The following TMPRSS15 variants were observed in gnomAD, a reference collection of about 807,000 sequenced individuals.
TMPRSS15 encodes the protein transmembrane serine protease 15.
A neutral mutation model predicts 125.3 loss-of-function variants in TMPRSS15; 128 were observed. The ratio of observed to expected loss-of-function variants is 1.02; its 90% CI spans 0.89 to 1.18. TMPRSS15 has a LOEUF of 1.18. TMPRSS15 is among the 50% of genes most tolerant of loss of function. The pLI is 0.00. For synonymous variants in TMPRSS15, 446 were observed against 423.2 expected (o/e 1.05, Z -0.66); for missense variants, 1,283 against 1,212.7 (o/e 1.06, Z -0.86).
intron 15 of TMPRSS15, among the ~76,000 whole-genome samples, chr21:18,328,804 T>A (rs2075317066): frequency 6.6e-6 from 1 of 152,016 alleles, no homozygotes; most frequent in Admixed American, 6.6e-5. Context: ...ACAGGAAAAA[T>A]GCTTGAGGTG....
At chr21:18,483,751 G>A (rs1979028684) in intron 1 of TMPRSS15, among the ~76,000 whole-genome samples, 1 of 151,678 alleles carries the variant, frequency 6.6e-6, no homozygotes, top group Admixed American at 6.6e-5. Flanking sequence ...ATATTTTTAA[G>A]GTATAGCATT....
rs1026583987 is a variant in TMPRSS15 at position 18,446,378 on chromosome 21, C to A, written c.10+39421G>T. The stretch of plus-strand genomic sequence containing the variant: ...ATTCTGTAAAAATAACAATACTACT[C>A]AAAGCAATACACAGATTCAATGCAA... On this transcript the variant is annotated intron_variant, in intron 1 of 7. Transcript: ENST00000422787. Among the ~76,000 whole-genome samples, 15 of 152,002 alleles carry A rather than the reference C, an allele frequency of 9.9e-5. No homozygotes were observed. The East Asian group carries it at 2.9e-3, about 29-fold the overall frequency.
chr21:18,450,725 T>C (rs1191270805), intron 1 of TMPRSS15, among the ~76,000 whole-genome samples: 1 of 152,198 alleles, frequency 6.6e-6, no homozygotes, highest in Non-Finnish European at 1.5e-5. Flanking sequence ...TCAGTATTCT[T>C]CTGGAATGCC....
chr21:18,326,682 G>T, intron 15 of TMPRSS15, 110 bp from the exon 16 acceptor site: 1 of 1,288,432 alleles, frequency 7.8e-7, no homozygotes, highest in Non-Finnish European at 1.1e-6. Flanking sequence ...ATGTTACATG[G>T]CTCGCTCATA....
chr21:18,356,785 TA>T (rs1241757923), intron 8 of TMPRSS15, among the ~76,000 whole-genome samples: 2 of 151,924 alleles, frequency 1.3e-5, no homozygotes, highest in East Asian at 3.9e-4. Flanking sequence ...TTTAATTCCA[TA>T]ATGCAGTGTG....
chr21:18,294,977 C>T (rs2074885160), intron 19 of TMPRSS15, among the ~76,000 whole-genome samples: 1 of 152,262 alleles, frequency 6.6e-6, no homozygotes, highest in Middle Eastern at 3.4e-3. Context: ...TGCAATAAAA[C>T]TATTACAGGG....
In TMPRSS15 at chr21:18,390,863, G is replaced by T. The variant is rs368541702; in HGVS notation, c.344+7016C>A. Among the ~76,000 whole-genome samples the T allele has an allele frequency of 1.3e-3, 199 of 152,314 alleles. 2 individuals are homozygous for T. Among genetic ancestry groups the T allele is most frequent in the African/African-American group, 4.5e-3 (186 of 41,564 alleles). On this transcript the variant is annotated intron_variant, in intron 3 of 24. Coordinates refer to ENST00000284885, the MANE Select transcript of TMPRSS15 (RefSeq NM_002772.3). ...AATAAAGAAGTTTAATTGGCTTACAGTTCCACATGGCTGGGGAGGCCTCAG... is the reference window on the plus strand; with the variant it reads ...AATAAAGAAGTTTAATTGGCTTACATTTCCACATGGCTGGGGAGGCCTCAG...
chr21:18,321,810 A>G lies in TMPRSS15; in HGVS notation c.1921+4622T>C, dbSNP rs892354251. 1.1e-4 allele frequency among the ~76,000 whole-genome samples: 16 copies of G among 152,274 alleles called. No individual in the cohort carries two copies. In the East Asian group the frequency reaches 3.1e-3, roughly 29 times the overall value. The stretch of plus-strand genomic sequence containing the variant: ...TTGCTTTTCAGTCTTTGGGTATAAA[A>G]AATCTCGACGGAAGCAGACGGTGCT... On this transcript the variant is annotated intron_variant, in intron 16 of 24. Coordinates refer to ENST00000284885, the MANE Select transcript of TMPRSS15 (RefSeq NM_002772.3).
intron 18 of TMPRSS15, among the ~76,000 whole-genome samples, chr21:18,308,146 T>G (rs1665787999): frequency 6.6e-6 from 1 of 152,158 alleles, no homozygotes; most frequent in South Asian, 2.1e-4. Flanking sequence ...CTCTTTGAAT[T>G]CACTATTGAA....
At chr21:18,318,359 C>A (rs942254079) in intron 16 of TMPRSS15, among the ~76,000 whole-genome samples, 1 of 152,114 alleles carries the variant, frequency 6.6e-6, no homozygotes, top group African/African-American at 2.4e-5. Context: ...CACAACAGAG[C>A]TGGCATTTGG....
At chr21:18,463,531 T>C (rs149698366) in intron 1 of TMPRSS15, among the ~76,000 whole-genome samples, 124 of 152,064 alleles carry the variant, frequency 8.2e-4, no homozygotes, top group Middle Eastern at 3.4e-3. Context: ...CTGTCGCTAT[T>C]AGAGAGATCG....
chr21:18,291,322 T>G (rs1335969183), intron 21 of TMPRSS15, among the ~76,000 whole-genome samples: 1 of 152,184 alleles, frequency 6.6e-6, no homozygotes, highest in Non-Finnish European at 1.5e-5. Context: ...GGCCCACACT[T>G]CCAAATCCTT....
rs531875801 is a variant in TMPRSS15 at position 18,395,104 on chromosome 21, G to A, written c.344+2775C>T. Among the ~76,000 whole-genome samples the A allele has an allele frequency of 3.3e-5, 5 of 152,216 alleles. No homozygotes were observed. In the East Asian group the frequency reaches 9.7e-4, roughly 29 times the overall value. On this transcript the variant is annotated intron_variant, in intron 3 of 24. Coordinates refer to ENST00000284885, the MANE Select transcript of TMPRSS15 (RefSeq NM_002772.3). ...GAGTGGAGAACAAGGAAAACTAAAGGTGGAAGCACAGGGCTTGCGTGGAAA... is the reference window on the plus strand; with the variant it reads ...GAGTGGAGAACAAGGAAAACTAAAGATGGAAGCACAGGGCTTGCGTGGAAA...
intron 1 of TMPRSS15, among the ~76,000 whole-genome samples, chr21:18,411,772 C>T (rs565684724): frequency 7.2e-5 from 11 of 152,292 alleles, no homozygotes; most frequent in Non-Finnish European, 1.3e-4. Context: ...AAGCATATTT[C>T]CCTAATCTAC....
chr21:18,452,525 G>C (rs932392789), intron 1 of TMPRSS15, among the ~76,000 whole-genome samples: 2 of 152,090 alleles, frequency 1.3e-5, no homozygotes, highest in Non-Finnish European at 2.9e-5. Context: ...TAATATCCGG[G>C]CATGGTGGTG....
chr21:18,462,212 T>C (rs2122953015), intron 1 of TMPRSS15, among the ~76,000 whole-genome samples: 10 of 152,238 alleles, frequency 6.6e-5, no homozygotes, highest in Non-Finnish European at 1.3e-4. Context: ...AGAAATAAAA[T>C]CTTGAAAGAA....
At chr21:18,404,300 G>A (rs765398686), upstream of TMPRSS15, among the ~76,000 whole-genome samples, 16 of 152,168 alleles carry the variant, frequency 1.1e-4, no homozygotes, top group Admixed American at 2.0e-4. Context: ...TAAACAAGGC[G>A]TTCTATGGCT....
At chr21:18,475,800 C>T (rs1978870040) in intron 1 of TMPRSS15, among the ~76,000 whole-genome samples, 2 of 152,158 alleles carry the variant, frequency 1.3e-5, no homozygotes, top group Non-Finnish European at 2.9e-5. Context: ...CCACATAGTA[C>T]AAACAAGGGA....
chr21:18,460,512 A>G (rs1001410217), intron 1 of TMPRSS15: 1 of 152,202 alleles, frequency 6.6e-6, no homozygotes, highest in African/African-American at 2.4e-5. Context: ...CTGCAAATAA[A>G]CAGAAACAAT....
Sources: allele counts gnomAD v4.1 joint callset (sites outside exome capture counted in the v4.1 genomes callset), GRCh38; gene constraint gnomAD v4.1.1; transcripts MANE v1.5; gene names NCBI Gene and HGNC (gene_info 2026-07-23, HGNC 2026-07-21).